Variants in RBX1 observed in about 807,000 individuals in gnomAD.
RBX1 encodes E3 ubiquitin-protein ligase RBX1.
For missense variants in RBX1, 46 were observed against 141.4 expected (o/e 0.33, Z 3.42); for synonymous variants, 48 against 47.9 (o/e 1.00, Z -0.01).
chr22:40,962,760 T>G (rs375255445), intron 2 of RBX1, among the ~76,000 whole-genome samples: 1 of 150,700 alleles, frequency 6.6e-6, no homozygotes, highest in East Asian at 2.0e-4. Flanking sequence ...TGATGCAATC[T>G]TGGCTCACTG....
intron 4 of RBX1, among the ~76,000 whole-genome samples, chr22:40,971,397 A>G (rs990726977): frequency 6.6e-6 from 1 of 152,178 alleles, no homozygotes; most frequent in Non-Finnish European, 1.5e-5. Flanking sequence ...AGAAGCTGTG[A>G]TCCAGAGTTC....
At chr22:40,952,761 T>A (rs2058314864) in intron 1 of RBX1, among the ~76,000 whole-genome samples, 1 of 152,176 alleles carries the variant, frequency 6.6e-6, no homozygotes, top group Non-Finnish European at 1.5e-5. Context: ...AATCTAAGAT[T>A]TAAGTGATGA....
intron 2 of RBX1, among the ~76,000 whole-genome samples, chr22:40,954,116 A>G (rs1230345541): frequency 6.6e-6 from 1 of 152,124 alleles, no homozygotes; most frequent in Admixed American, 6.6e-5. Context: ...TAAAAATACA[A>G]AAATTAGCTG....
At chr22:40,951,591 A>C in intron 1 of RBX1, 115 bp downstream of exon 1, 1 of 960,110 alleles carries the variant, frequency 1.0e-6, no homozygotes, top group African/African-American at 1.6e-5. Context: ...CGTTCCTGGG[A>C]CCGGGTACCA....
chr22:40,956,821 G>A (rs2058326799), intron 2 of RBX1, among the ~76,000 whole-genome samples: 1 of 151,120 alleles, frequency 6.6e-6, no homozygotes, highest in African/African-American at 2.4e-5. Context: ...AGATCACAAG[G>A]TCCAGAGATC....
chr22:40,955,812 C>T (rs930684040), intron 2 of RBX1, among the ~76,000 whole-genome samples: 1 of 152,180 alleles, frequency 6.6e-6, no homozygotes, highest in Non-Finnish European at 1.5e-5. Context: ...TGAGCTTTGA[C>T]ACTGTTTATC....
intron 4 of RBX1, among the ~76,000 whole-genome samples, chr22:40,969,532 T>C (rs1004373684): frequency 1.3e-5 from 2 of 152,138 alleles, no homozygotes; most frequent in African/African-American, 4.8e-5. Flanking sequence ...GGCAGATTGC[T>C]TGAGTCCACT....
intron 2 of RBX1, among the ~76,000 whole-genome samples, chr22:40,961,640 G>T (rs1191422746): frequency 6.6e-6 from 1 of 151,808 alleles, no homozygotes. Context: ...TCCTGACCTC[G>T]TGACCCACCC....
intron 2 of RBX1, among the ~76,000 whole-genome samples, chr22:40,955,376 G>C (rs547604315): frequency 6.6e-6 from 1 of 150,902 alleles, no homozygotes; most frequent in Non-Finnish European, 1.5e-5. Flanking sequence ...TGCGATTATA[G>C]GCGTGAGCCA....
chr22:40,954,313 T>C (rs1354623002), intron 2 of RBX1, among the ~76,000 whole-genome samples: 1 of 148,840 alleles, frequency 6.7e-6, no homozygotes, highest in African/African-American at 2.6e-5. Context: ...TTGCTGGTCA[T>C]TGTTTACAAA....
At chr22:40,953,448 T>G (rs2058316790) in intron 1 of RBX1, 107 bp from the exon 2 acceptor site, 1 of 741,518 alleles carries the variant, frequency 1.3e-6, no homozygotes, top group Non-Finnish European at 2.4e-6. Context: ...TGTTTGGTGG[T>G]TCCCTGTGGC....
chr22:40,954,557 A>C (rs1303630034), intron 2 of RBX1, among the ~76,000 whole-genome samples: 1 of 152,144 alleles, frequency 6.6e-6, no homozygotes, highest in Admixed American at 6.6e-5. Context: ...CACCAGGAAC[A>C]GTTGAGGTTA....
intron 2 of RBX1, among the ~76,000 whole-genome samples, chr22:40,962,890 G>A (rs1475033594): frequency 6.8e-6 from 1 of 147,532 alleles, no homozygotes; most frequent in Non-Finnish European, 1.5e-5. Context: ...TAGAGACGGT[G>A]TTTCACTATG....
intron 2 of RBX1, among the ~76,000 whole-genome samples, chr22:40,956,394 C>CTTTTT (rs552394610): frequency 7.4e-6 from 1 of 135,418 alleles, no homozygotes. Context: ...AGGTCTTTAC[C>CTTTTT]TTTTTTTTTT....
chr22:40,961,470 G>C (rs1336591061), intron 2 of RBX1, among the ~76,000 whole-genome samples: 1 of 151,964 alleles, frequency 6.6e-6, no homozygotes, highest in Non-Finnish European at 1.5e-5. Context: ...CTGGAGCGCA[G>C]TGGTGCGATC....
Position 40,959,410 on chromosome 22 carries a change from A to G in RBX1, c.158-4637A>G, listed in dbSNP as rs527264566. Among the ~76,000 whole-genome samples, 4 of 152,224 alleles carry G rather than the reference A, an allele frequency of 2.6e-5. No homozygotes were observed. The East Asian group carries it at 7.7e-4, about 29-fold the overall frequency. ...AACTTTTGTATTGAGCACATTTTAC[A>G]CTAATATTTAATCATTTTCCCTGCT... On this transcript the variant is annotated intron_variant, in intron 2 of 4. Transcript: ENST00000216225.
intron 2 of RBX1, among the ~76,000 whole-genome samples, chr22:40,955,322 G>T (rs757192043): frequency 3.1e-4 from 45 of 144,770 alleles, no homozygotes; most frequent in African/African-American, 1.1e-3. Context: ...GGCTGGTCTC[G>T]AACTGGCTTC....
chr22:40,956,415 A>G (rs1601534725), intron 2 of RBX1, among the ~76,000 whole-genome samples: 1 of 137,122 alleles, frequency 7.3e-6, no homozygotes, highest in African/African-American at 2.7e-5. Context: ...TTTTTTTTTT[A>G]AAGACAGAGT....
intron 2 of RBX1, among the ~76,000 whole-genome samples, chr22:40,959,095 C>T (rs370721830): frequency 2.6e-5 from 4 of 152,282 alleles, no homozygotes; most frequent in African/African-American, 7.2e-5. Flanking sequence ...GGATTACAGG[C>T]GTGAGCCACC....
Sources: allele counts gnomAD v4.1 joint callset (sites outside exome capture counted in the v4.1 genomes callset), GRCh38; gene constraint gnomAD v4.1.1; transcripts MANE v1.5; gene names NCBI Gene and HGNC (gene_info 2026-07-23, HGNC 2026-07-21).